CNTN6: variants seen among roughly 807,000 people sequenced by gnomAD.
CNTN6 encodes the protein contactin-6.
In CNTN6, 137 loss-of-function variants were observed where a neutral mutation model predicts 122.8. The ratio of observed to expected loss-of-function variants is 1.12; its 90% confidence interval spans 0.97 to 1.29. The LOEUF is 1.29. Among genes scored for constraint, CNTN6 ranks in the 50% most tolerant of loss-of-function variants. CNTN6 has a pLI of 0.00. For missense variants in CNTN6, 1,634 were observed against 1,223.4 expected (o/e 1.34, Z -5.01); for synonymous variants, 570 against 426.0 (o/e 1.34, Z -4.16).
At chr3:1,335,439 C>A (rs1477741759) in intron 11 of CNTN6, among the ~76,000 whole-genome samples, 1 of 152,154 alleles carries the variant, frequency 6.6e-6, no homozygotes, top group Non-Finnish European at 1.5e-5. Flanking sequence ...TGATTAATCA[C>A]TTCTTTTTTT....
At chr3:1,228,043 C>A (rs2094307719) in intron 4 of CNTN6, 50 bp downstream of exon 4, 1 of 1,528,282 alleles carries the variant, frequency 6.5e-7, no homozygotes, top group East Asian at 2.3e-5. Flanking sequence ...ATATAATATT[C>A]TTCTGATACA....
chr3:1,280,258 C>T (rs1166441078), intron 5 of CNTN6, among the ~76,000 whole-genome samples: 6 of 151,940 alleles, frequency 3.9e-5, no homozygotes, highest in Admixed American at 6.6e-5. Flanking sequence ...AGACAGGAGA[C>T]GCTTGTCCTT....
intron 7 of CNTN6, among the ~76,000 whole-genome samples, chr3:1,316,609 A>C (rs1250610090): frequency 6.6e-6 from 1 of 151,918 alleles, no homozygotes. Flanking sequence ...ACACAGATCC[A>C]AACTATGTAA....
intron 4 of CNTN6, among the ~76,000 whole-genome samples, chr3:1,272,808 T>C (rs1307726528): frequency 6.6e-6 from 1 of 152,190 alleles, no homozygotes; most frequent in African/African-American, 2.4e-5. Flanking sequence ...TGTACAGTTT[T>C]CTTGCTTTAA....
intron 2 of CNTN6, among the ~76,000 whole-genome samples, chr3:1,216,090 G>T (rs1016807303): frequency 3.9e-5 from 6 of 151,994 alleles, no homozygotes; most frequent in Non-Finnish European, 7.4e-5. Context: ...GAGTGCATGG[G>T]CATGACATTA....
intron 5 of CNTN6, among the ~76,000 whole-genome samples, chr3:1,283,266 T>C (rs1207680452): frequency 6.6e-6 from 1 of 152,118 alleles, no homozygotes; most frequent in Non-Finnish European, 1.5e-5. Flanking sequence ...ACAAAACTTA[T>C]TTAGTATTTA....
intron 11 of CNTN6, among the ~76,000 whole-genome samples, chr3:1,338,540 C>G (rs1703426016): frequency 6.6e-6 from 1 of 152,080 alleles, no homozygotes; most frequent in African/African-American, 2.4e-5. Flanking sequence ...AACTTTGATT[C>G]CTATCCTAGC....
intron 5 of CNTN6, among the ~76,000 whole-genome samples, chr3:1,283,439 A>G (rs1693813935): frequency 6.6e-6 from 1 of 152,160 alleles, no homozygotes; most frequent in Non-Finnish European, 1.5e-5. Context: ...ACTATCTGCA[A>G]CAGAGCTGAA....
chr3:1,282,285 C>T (rs1467252275), intron 5 of CNTN6, among the ~76,000 whole-genome samples: 1 of 152,172 alleles, frequency 6.6e-6, no homozygotes, highest in Admixed American at 6.5e-5. Context: ...TTTTGAAGCA[C>T]AGATGCAAAT....
Position 1,403,432 on chromosome 3 carries a change from A to C in CNTN6, c.*14A>C. The C allele has an allele frequency of 6.4e-7, 1 of 1,550,484 alleles. No individual in the cohort carries two copies. Among genetic ancestry groups the C allele is most frequent in the Non-Finnish European group, 8.9e-7 (1 of 1,123,918 alleles). On this transcript the variant is annotated 3_prime_UTR_variant, in exon 23 of 23. Coordinates refer to ENST00000446702, the MANE Select transcript of CNTN6 (RefSeq NM_001289080.2). ...CCACTTATCTGATGAATAAAACCAT[A>C]AATCTTTGAGAGTTTTTTGAAAGCA...
intron 2 of CNTN6, among the ~76,000 whole-genome samples, chr3:1,148,728 A>G (rs988631527): frequency 6.6e-6 from 1 of 152,162 alleles, no homozygotes; most frequent in African/African-American, 2.4e-5. Context: ...TTAGTTGACA[A>G]ATCTGTGGGT....
intron 2 of CNTN6, among the ~76,000 whole-genome samples, chr3:1,206,476 G>C (rs1297188568): frequency 6.6e-6 from 1 of 152,012 alleles, no homozygotes; most frequent in Non-Finnish European, 1.5e-5. Flanking sequence ...TGTCACTCAA[G>C]GTATTGTCTT....
At chr3:1,357,986 T>TCCAAC (rs1188964342) in intron 12 of CNTN6, among the ~76,000 whole-genome samples, 1 of 151,912 alleles carries the variant, frequency 6.6e-6, no homozygotes, top group Non-Finnish European at 1.5e-5. Flanking sequence ...ATCATTATCA[T>TCCAAC]CCAACATCTA....
intron 11 of CNTN6, among the ~76,000 whole-genome samples, chr3:1,332,554 AAG>A (rs1197705385): frequency 1.6e-5 from 2 of 128,072 alleles, no homozygotes; most frequent in African/African-American, 6.0e-5. Flanking sequence ...AAGGAAGAGA[AAG>A]AGGGGGAAAG....
chr3:1,254,229 T>C (rs554987808), intron 4 of CNTN6, among the ~76,000 whole-genome samples: 1 of 152,222 alleles, frequency 6.6e-6, no homozygotes, highest in South Asian at 2.1e-4. Flanking sequence ...TTTCCTGAAG[T>C]TGGTGATAAT....
At chr3:1,349,694 C>T (rs568145121) in intron 11 of CNTN6, among the ~76,000 whole-genome samples, 20 of 151,608 alleles carry the variant, frequency 1.3e-4, no homozygotes, top group African/African-American at 3.4e-4. Context: ...TCTGCTAAGA[C>T]GTGTTTAGAT....
At chr3:1,120,500 G>A (rs1449506099) in intron 1 of CNTN6, among the ~76,000 whole-genome samples, 1 of 151,714 alleles carries the variant, frequency 6.6e-6, no homozygotes, top group Admixed American at 6.6e-5. Flanking sequence ...TTTGTAAAGT[G>A]TTTATGAAAA....
chr3:1,229,871 A>G (rs566812404), intron 4 of CNTN6, among the ~76,000 whole-genome samples: 5 of 152,300 alleles, frequency 3.3e-5, no homozygotes, highest in Admixed American at 6.5e-5. Flanking sequence ...TAATGCAGAA[A>G]GTAAGATGGC....
intron 2 of CNTN6, among the ~76,000 whole-genome samples, chr3:1,159,907 G>A (rs7617782): frequency 0.015 from 2,226 of 151,884 alleles, 61 homozygotes; most frequent in African/African-American, 0.051. Context: ...TGCAACTTCT[G>A]CCTCCCAGGT....
Sources: allele counts gnomAD v4.1 joint callset (sites outside exome capture counted in the v4.1 genomes callset), GRCh38; gene constraint gnomAD v4.1.1; transcripts MANE v1.5; gene names NCBI Gene and HGNC (gene_info 2026-07-23, HGNC 2026-07-21).